The following DCC variants were observed in gnomAD, a reference collection of about 807,000 sequenced individuals.
DCC encodes DCC netrin 1 receptor.
Under a neutral mutation model 172.5 loss-of-function variants are expected in DCC, and 58 were observed. The observed-to-expected ratio is 0.34, with a 90% CI of 0.27 to 0.42. The LOEUF (loss-of-function observed/expected upper bound fraction) is 0.42, where lower values mean the gene tolerates loss of function less well. Among genes scored for constraint, DCC ranks in the 10% least tolerant of loss-of-function variants. The pLI, the probability that DCC is intolerant of heterozygous loss-of-function variation, is 1.00. For missense variants in DCC, 1,740 were observed against 1,791.0 expected (o/e 0.97, Z 0.51); for synonymous variants, 709 against 644.5 (o/e 1.10, Z -1.52).
intron 8 of DCC, among the ~76,000 whole-genome samples, chr18:53,165,710 T>C (rs1426072733): frequency 6.6e-6 from 1 of 152,238 alleles, no homozygotes; most frequent in African/African-American, 2.4e-5. Context: ...AAATGTCATA[T>C]ATAAATGAGC....
chr18:52,715,531 C>T (rs2036365553), intron 1 of DCC, among the ~76,000 whole-genome samples: 1 of 152,066 alleles, frequency 6.6e-6, no homozygotes, highest in Non-Finnish European at 1.5e-5. Flanking sequence ...TCTCAAGCTC[C>T]TTACCTCAAG....
At chr18:53,285,976 C>G (rs2056931138) in intron 12 of DCC, among the ~76,000 whole-genome samples, 1 of 152,348 alleles carries the variant, frequency 6.6e-6, no homozygotes, top group Middle Eastern at 3.4e-3. Flanking sequence ...TTTGGAATGG[C>G]TGCATTTACC....
intron 7 of DCC, among the ~76,000 whole-genome samples, chr18:53,152,969 C>G (rs1378115501): frequency 2.0e-5 from 3 of 152,192 alleles, no homozygotes; most frequent in Non-Finnish European, 4.4e-5. Context: ...TGAGAAGACA[C>G]TCCCTGAAGC....
At chr18:52,363,924 T>C (rs1354899185) in intron 1 of DCC, among the ~76,000 whole-genome samples, 2 of 152,178 alleles carry the variant, frequency 1.3e-5, no homozygotes, top group African/African-American at 4.8e-5. Context: ...CCTGGGAAAC[T>C]CTGATTGCCC....
intron 24 of DCC, among the ~76,000 whole-genome samples, chr18:53,461,641 T>A (rs2045560855): frequency 6.6e-6 from 1 of 152,230 alleles, no homozygotes; most frequent in Non-Finnish European, 1.5e-5. Context: ...TTGAATGTGT[T>A]GCTGTTTTAC....
In DCC at chr18:52,802,643, C is replaced by CTTTTTTTTT. The variant is rs776080029; in HGVS notation, c.412+50301_412+50309dup. On this transcript the variant is annotated intron_variant, in intron 2 of 28. Coordinates refer to ENST00000442544, the MANE Select transcript of DCC (RefSeq NM_005215.4). ...ACAGGTACACATCACCACGCCAAGCCTTTTTTTTTTTTTTTTTTTTTTTTT... is the reference window on the plus strand; with the variant it reads ...ACAGGTACACATCACCACGCCAAGCCTTTTTTTTTTTTTTTTTTTTTTTTTTTTTTTTTT... Among the ~76,000 whole-genome samples, 8 of 38,202 alleles carry CTTTTTTTTT rather than the reference C, an allele frequency of 2.1e-4. 2 individuals carry two copies. The highest frequency in any genetic ancestry group is 7.2e-4 in the South Asian group (1 of 1,384). 25.1% of individuals were successfully genotyped at this position (38,202 alleles called of 152,430 possible). A position where few individuals can be genotyped will look rare whatever the true frequency, so the allele number is the denominator to read the frequency against.
At chr18:52,592,190 C>T (rs1452842547) in intron 1 of DCC, among the ~76,000 whole-genome samples, 1 of 152,180 alleles carries the variant, frequency 6.6e-6, no homozygotes, top group Non-Finnish European at 1.5e-5. Context: ...ATATTTTCAA[C>T]TCTCTTTCCA....
intron 2 of DCC, among the ~76,000 whole-genome samples, chr18:52,807,631 A>T (rs868336525): frequency 6.6e-6 from 1 of 152,138 alleles, no homozygotes; most frequent in Non-Finnish European, 1.5e-5. Flanking sequence ...TTTTCATTAC[A>T]TATCAGTCTG....
intron 12 of DCC, among the ~76,000 whole-genome samples, chr18:53,247,512 T>G (rs976041217): frequency 1.3e-5 from 2 of 152,048 alleles, no homozygotes; most frequent in Non-Finnish European, 1.5e-5. Flanking sequence ...TAGGAGAGTC[T>G]CTAGCACAAT....
At position 53,258,973 on chromosome 18, in the gene DCC, G is replaced by T. The variant is rs542424110; in HGVS notation, c.1911+43376G>T. Among the ~76,000 whole-genome samples the T allele has an allele frequency of 2.3e-3, 352 of 152,032 alleles. 4 individuals are homozygous for T. The highest frequency in any genetic ancestry group is 0.013 in the South Asian group (61 of 4,802). On this transcript the variant is annotated intron_variant, in intron 12 of 28. Coordinates refer to ENST00000442544, the MANE Select transcript of DCC (RefSeq NM_005215.4). The stretch of plus-strand genomic sequence containing the variant: ...CTTTACCATTATGTAATGGCCTTCT[G>T]TGTCTCTTTTGATCTTTGTTGGTTT...
At chr18:53,286,620 G>A (rs1278701180) in intron 12 of DCC, among the ~76,000 whole-genome samples, 1 of 152,164 alleles carries the variant, frequency 6.6e-6, no homozygotes. Flanking sequence ...GGCAGCACTT[G>A]ATGCAATGGA....
intron 2 of DCC, among the ~76,000 whole-genome samples, chr18:52,900,094 C>T (rs1221255864): frequency 6.6e-6 from 1 of 152,128 alleles, no homozygotes; most frequent in African/African-American, 2.4e-5. Flanking sequence ...ACCTGTAGGA[C>T]AACTGGTTCT....
intron 5 of DCC, among the ~76,000 whole-genome samples, chr18:53,025,282 G>A (rs1240736081): frequency 2.0e-5 from 3 of 152,112 alleles, no homozygotes; most frequent in Admixed American, 1.3e-4. Flanking sequence ...AAAAGATTTG[G>A]TAGGAATAAA....
At chr18:53,353,578 ACAT>A (rs1394888458) in intron 15 of DCC, among the ~76,000 whole-genome samples, 1 of 152,058 alleles carries the variant, frequency 6.6e-6, no homozygotes, top group African/African-American at 2.4e-5. Flanking sequence ...ATTTCTTGTA[ACAT>A]CATTGTGCTG....
Position 53,179,073 on chromosome 18 carries a change from G to C in DCC, c.1530G>C (p.Pro510=). ...FRVVAYNEWG[P]GESSQPIKVA... is the part of the protein sequence containing the mutation. ...TTGTGGCTTACAATGAATGGGGACC[G>C]GGAGAGAGTTCTCAACCCATCAAGG... Residue 510 remains proline, a synonymous_variant, in exon 9 of 29, where the codon CCG becomes CCC. Coordinates refer to ENST00000442544, the MANE Select transcript of DCC (RefSeq NM_005215.4). The C allele has an allele frequency of 1.9e-6, 3 of 1,613,902 alleles. No homozygotes were observed. Among genetic ancestry groups the C allele is most frequent in the Non-Finnish European group, 2.5e-6 (3 of 1,179,878 alleles).
chr18:52,853,178 A>C (rs2039003344), intron 2 of DCC, among the ~76,000 whole-genome samples: 1 of 152,090 alleles, frequency 6.6e-6, no homozygotes, highest in Non-Finnish European at 1.5e-5. Context: ...AGAGTATTTA[A>C]TTTGCGAATC....
chr18:52,873,814 A>C (rs2039359774), intron 2 of DCC, among the ~76,000 whole-genome samples: 1 of 152,320 alleles, frequency 6.6e-6, no homozygotes, highest in Admixed American at 6.5e-5. Flanking sequence ...AGGAAAGGAA[A>C]GTTTTCCATG....
At chr18:53,137,663 T>C (rs1298744762) in intron 7 of DCC, among the ~76,000 whole-genome samples, 3 of 152,192 alleles carry the variant, frequency 2.0e-5, no homozygotes, top group African/African-American at 7.2e-5. Flanking sequence ...TGGGCCACTT[T>C]AGTGCATATC....
intron 8 of DCC, among the ~76,000 whole-genome samples, chr18:53,160,085 T>C (rs942268307): frequency 6.6e-6 from 1 of 152,170 alleles, no homozygotes; most frequent in Non-Finnish European, 1.5e-5. Flanking sequence ...GGGTGAACCA[T>C]TTATTTTCAT....
Sources: allele counts gnomAD v4.1 joint callset (sites outside exome capture counted in the v4.1 genomes callset), GRCh38; gene constraint gnomAD v4.1.1; transcripts MANE v1.5; gene names NCBI Gene and HGNC (gene_info 2026-07-23, HGNC 2026-07-21).